FOXN3: variants seen among roughly 807,000 people sequenced by gnomAD.
The protein encoded by FOXN3 is forkhead box protein N3.
Under a neutral mutation model 38.4 loss-of-function variants are expected in FOXN3, and 7 were observed. The observed-to-expected ratio is 0.18, with a 90% CI of 0.10 to 0.34. The LOEUF is 0.34. Among genes scored for constraint, FOXN3 ranks in the 10% least tolerant of loss-of-function variants. FOXN3 has a pLI of 1.00. For missense variants in FOXN3, 456 were observed against 613.4 expected (o/e 0.74, Z 2.71); for synonymous variants, 230 against 242.2 (o/e 0.95, Z 0.47).
chr14:89,307,664 C>T (rs1337286767), intron 3 of FOXN3, among the ~76,000 whole-genome samples: 1 of 152,184 alleles, frequency 6.6e-6, no homozygotes, highest in Non-Finnish European at 1.5e-5. Flanking sequence ...GCAGCCTGCA[C>T]CTCTGCTTAT....
At chr14:89,550,487 C>T (rs1054116012) in intron 1 of FOXN3, among the ~76,000 whole-genome samples, 1 of 152,098 alleles carries the variant, frequency 6.6e-6, no homozygotes, top group Non-Finnish European at 1.5e-5. Flanking sequence ...TCTGCTGGGC[C>T]AAATTGTCTG....
At position 89,300,339 on chromosome 14, in the gene FOXN3, T is replaced by G. The variant is rs574434367; in HGVS notation, c.681-19325A>C. 5.3e-5 allele frequency among the ~76,000 whole-genome samples: 8 copies of G among 152,202 alleles called. No homozygotes were observed. The South Asian group carries it at 1.7e-3, about 32-fold the overall frequency. On this transcript the variant is annotated intron_variant, in intron 3 of 5. Coordinates refer to ENST00000557258, the MANE Select transcript of FOXN3 (RefSeq NM_005197.4). ...TTGGGATTACAGGCACCCGCCATCA[T>G]GCCCAGATAATTTTTCTATTTGTAT...
intron 1 of FOXN3, among the ~76,000 whole-genome samples, chr14:89,547,278 A>G (rs1469704823): frequency 6.6e-6 from 1 of 150,602 alleles, no homozygotes; most frequent in African/African-American, 2.4e-5. Context: ...TTTTTGAGAC[A>G]TAGTTTTGCT....
chr14:89,401,083 G>A (rs921584288), intron 2 of FOXN3, among the ~76,000 whole-genome samples: 3 of 152,152 alleles, frequency 2.0e-5, no homozygotes, highest in Admixed American at 2.0e-4. Context: ...ATGAACCACT[G>A]CTGAAAATGC....
At chr14:89,603,752 A>G (rs1251765769) in intron 1 of FOXN3, among the ~76,000 whole-genome samples, 1 of 152,204 alleles carries the variant, frequency 6.6e-6, no homozygotes, top group African/African-American at 2.4e-5. Flanking sequence ...TTCAGAACAG[A>G]GGGCTTATAT....
intron 1 of FOXN3, among the ~76,000 whole-genome samples, chr14:89,432,976 C>A (rs1251203010): frequency 6.6e-6 from 1 of 152,074 alleles, no homozygotes; most frequent in African/African-American, 2.4e-5. Context: ...CCAACGAGCA[C>A]CTGGCCTGCA....
At chr14:89,497,169 T>C (rs545072063) in intron 1 of FOXN3, among the ~76,000 whole-genome samples, 3 of 152,140 alleles carry the variant, frequency 2.0e-5, no homozygotes, top group Admixed American at 2.0e-4. Context: ...TCGGCCAGGC[T>C]GGTCTAGAGC....
At chr14:89,466,372 T>C (rs1892975656) in intron 1 of FOXN3, among the ~76,000 whole-genome samples, 1 of 152,174 alleles carries the variant, frequency 6.6e-6, no homozygotes, top group Non-Finnish European at 1.5e-5. Flanking sequence ...CACTTATTTC[T>C]CCTCTTTTGC....
chr14:89,162,250 A>T lies in FOXN3; in HGVS notation c.*164T>A. 1.7e-6 allele frequency: 1 copy of T among 572,386 alleles called. No individual in the cohort carries two copies. Among genetic ancestry groups the T allele is most frequent in the South Asian group, 2.9e-5 (1 of 34,658 alleles). The allele number at this position is 572,386 out of a possible 1,614,324, so 35.5% of individuals were successfully genotyped here. On this transcript the variant is annotated 3_prime_UTR_variant, in exon 6 of 6. Coordinates refer to ENST00000557258, the MANE Select transcript of FOXN3 (RefSeq NM_005197.4). This position sits in a 1 kb window ranked among gnomAD's most constrained non-coding sequence, Gnocchi z 7.2. ...TTCTTAAGGGTCCAAAACAAAGAAG[A>T]GGGGGCAAATTAAAACAAAATAAAA...
At chr14:89,415,909 C>T (rs1183418892) in intron 1 of FOXN3, among the ~76,000 whole-genome samples, 1 of 146,662 alleles carries the variant, frequency 6.8e-6, no homozygotes, top group African/African-American at 2.6e-5. Flanking sequence ...TTATGACTTG[C>T]TGTGTTTTGT....
At chr14:89,241,902 C>A (rs1885151114) in intron 4 of FOXN3, among the ~76,000 whole-genome samples, 1 of 152,176 alleles carries the variant, frequency 6.6e-6, no homozygotes, top group East Asian at 1.9e-4. Context: ...CTCTGCCTCT[C>A]CCCACCCATG....
At chr14:89,600,107 A>C (rs17776811) in intron 1 of FOXN3, among the ~76,000 whole-genome samples, 68,497 of 151,924 alleles carry the variant, frequency 0.45, 18,211 homozygotes, top group Middle Eastern at 0.63. Flanking sequence ...TTTAATTTTG[A>C]GCAGCTTTTC....
At chr14:89,589,070 A>T (rs535952441) in intron 1 of FOXN3, among the ~76,000 whole-genome samples, 1 of 152,302 alleles carries the variant, frequency 6.6e-6, no homozygotes, top group East Asian at 1.9e-4. Flanking sequence ...GGTATTATTA[A>T]CTATAAACCA....
intron 4 of FOXN3, among the ~76,000 whole-genome samples, chr14:89,246,112 A>C (rs534645391): frequency 3.9e-5 from 6 of 152,288 alleles, no homozygotes; most frequent in South Asian, 2.1e-4. Context: ...GCGAAAAAAA[A>C]CCGCTGAATT....
At chr14:89,374,942 A>T (rs1034814487) in intron 2 of FOXN3, among the ~76,000 whole-genome samples, 3 of 150,274 alleles carry the variant, frequency 2.0e-5, no homozygotes, top group African/African-American at 7.4e-5. Context: ...ACACCATTGC[A>T]CTCCAGCCTG....
chr14:89,448,391 G>A (rs1359930578), intron 1 of FOXN3, among the ~76,000 whole-genome samples: 1 of 152,026 alleles, frequency 6.6e-6, no homozygotes, highest in Admixed American at 6.6e-5. Flanking sequence ...TGCTCACTGG[G>A]AAGTCAGCAG....
At chr14:89,371,363 G>A (rs1347317809) in intron 2 of FOXN3, among the ~76,000 whole-genome samples, 1 of 152,042 alleles carries the variant, frequency 6.6e-6, no homozygotes, top group Non-Finnish European at 1.5e-5. Context: ...AGAAGAGTCT[G>A]GGGTTCTGTT....
chr14:89,390,490 T>A (rs1242203239), intron 2 of FOXN3, among the ~76,000 whole-genome samples: 33 of 130,160 alleles, frequency 2.5e-4, no homozygotes, highest in South Asian at 2.4e-3. Flanking sequence ...AGCTGCTTTT[T>A]AAAAAAAAAA....
rs912020342 is a variant in FOXN3 at position 89,510,041 on chromosome 14, G to A, written c.-14-97551C>T. ...ATGGAATTCCCCCTTCCTCCCCATAGAACCCACATGGATGAGAGGCGGATA... is the reference window on the plus strand; with the variant it reads ...ATGGAATTCCCCCTTCCTCCCCATAAAACCCACATGGATGAGAGGCGGATA... On this transcript the variant is annotated intron_variant, in intron 1 of 6. Coordinates refer to the FOXN3 transcript ENST00000345097. 2.0e-5 allele frequency among the ~76,000 whole-genome samples: 3 copies of A among 152,116 alleles called. 1 individual carries two copies. The South Asian group carries it at 6.2e-4, about 31-fold the overall frequency.
Sources: allele counts gnomAD v4.1 joint callset (sites outside exome capture counted in the v4.1 genomes callset), GRCh38; gene constraint gnomAD v4.1.1; non-coding constraint Gnocchi (gnomAD v3.1); transcripts MANE v1.5; gene names NCBI Gene and HGNC (gene_info 2026-07-23, HGNC 2026-07-21).